The following ZCWPW2 variants were observed in gnomAD, a reference collection of about 807,000 sequenced individuals.
ZCWPW2 encodes zinc finger CW-type PWWP domain protein 2.
In ZCWPW2, 45 loss-of-function variants were observed where a neutral mutation model predicts 46.6. The observed-to-expected ratio is 0.96, with a 90% CI of 0.76 to 1.24. The LOEUF is 1.24. ZCWPW2 is among the 50% of genes most tolerant of loss of function. ZCWPW2 has a pLI of 0.00. For synonymous variants in ZCWPW2, 152 were observed against 137.1 expected (o/e 1.11, Z -0.76); for missense variants, 429 against 403.9 (o/e 1.06, Z -0.53).
intron 1 of ZCWPW2, among the ~76,000 whole-genome samples, chr3:28,389,360 A>G (rs922175546): frequency 2.0e-5 from 3 of 152,164 alleles, no homozygotes; most frequent in African/African-American, 7.2e-5. Flanking sequence ...TTTGTCCAAT[A>G]ACATGAGGAA....
intron 4 of ZCWPW2, among the ~76,000 whole-genome samples, chr3:28,471,167 A>G (rs1699027727): frequency 6.6e-6 from 1 of 152,190 alleles, no homozygotes; most frequent in Non-Finnish European, 1.5e-5. Context: ...GCTGAATTCT[A>G]TGAAACGTTT....
chr3:28,474,804 TTTGTTGTTGTTG>T lies in ZCWPW2; in HGVS notation c.493-3983_493-3972del, dbSNP rs139673277. ...GTCTCATGTCAGTATGTCTGAACTA[TTTGTTGTTGTTG>T]TTGTTGTTGTTGTTGTTGTTGTTGT... On this transcript the variant is annotated intron_variant, in intron 4 of 9. Coordinates refer to ENST00000383768, the MANE Select transcript of ZCWPW2 (RefSeq NM_001040432.4). Among the ~76,000 whole-genome samples the T allele has an allele frequency of 3.7e-3, 554 of 148,936 alleles. 2 individuals carry two copies. Among genetic ancestry groups the T allele is most frequent in the African/African-American group, 0.01 (421 of 40,220 alleles).
intron 4 of ZCWPW2, 142 bp from the exon 5 acceptor site, chr3:28,478,672 A>G: frequency 2.5e-6 from 1 of 403,264 alleles, no homozygotes; most frequent in Admixed American, 4.5e-5. Flanking sequence ...AAATAATATT[A>G]AAATAATAAT....
At chr3:28,472,316 C>T (rs530291804) in intron 4 of ZCWPW2, among the ~76,000 whole-genome samples, 1 of 152,270 alleles carries the variant, frequency 6.6e-6, no homozygotes, top group East Asian at 1.9e-4. Flanking sequence ...CATTACCTGA[C>T]TTCAAATTAT....
Position 28,524,517 on chromosome 3 carries a change from T to G in ZCWPW2, c.910-10T>G, listed in dbSNP as rs1700803397. 2.5e-6 allele frequency: 4 copies of G among 1,600,694 alleles called. No individual in the cohort carries two copies. Among genetic ancestry groups the G allele is most frequent in the Non-Finnish European group, 3.4e-6 (4 of 1,175,792 alleles). ...ACATAGTTCCGATTAATTATATGGTTGTTTTGCAGTTATCTAAATGCAGCC... is the reference window on the plus strand; with the variant it reads ...ACATAGTTCCGATTAATTATATGGTGGTTTTGCAGTTATCTAAATGCAGCC... On this transcript the variant is annotated splice_polypyrimidine_tract_variant and intron_variant, in intron 9 of 9. Transcript: ENST00000383768.
At chr3:28,405,218 G>C (rs1442929495) in intron 2 of ZCWPW2, among the ~76,000 whole-genome samples, 2 of 152,098 alleles carry the variant, frequency 1.3e-5, no homozygotes, top group Non-Finnish European at 2.9e-5. Flanking sequence ...GCTATGGTCT[G>C]AATGTCTGTG....
chr3:28,386,949 T>C (rs1575075525), intron 1 of ZCWPW2, among the ~76,000 whole-genome samples: 2 of 152,206 alleles, frequency 1.3e-5, no homozygotes, highest in East Asian at 1.9e-4. Context: ...GACTCCTGGA[T>C]AGGGTGAGCC....
At chr3:28,469,567 A>G (rs966927130) in intron 4 of ZCWPW2, among the ~76,000 whole-genome samples, 9 of 152,102 alleles carry the variant, frequency 5.9e-5, no homozygotes, top group African/African-American at 2.2e-4. Flanking sequence ...GCATGAGTAG[A>G]TATACTTAAT....
At chr3:28,378,254 A>T (rs1705564775) in intron 1 of ZCWPW2, among the ~76,000 whole-genome samples, 1 of 152,062 alleles carries the variant, frequency 6.6e-6, no homozygotes, top group Non-Finnish European at 1.5e-5. Flanking sequence ...CATAGAGAAG[A>T]TTAAAGATAA....
intron 4 of ZCWPW2, among the ~76,000 whole-genome samples, chr3:28,443,488 T>A (rs1697852426): frequency 6.6e-6 from 1 of 152,162 alleles, no homozygotes; most frequent in Non-Finnish European, 1.5e-5. Flanking sequence ...CTAGAAGTTT[T>A]CTGCTTGTAT....
chr3:28,467,623 C>G (rs890755126), intron 4 of ZCWPW2, among the ~76,000 whole-genome samples: 2 of 152,264 alleles, frequency 1.3e-5, no homozygotes, highest in South Asian at 2.1e-4. Flanking sequence ...ACCTCACCCC[C>G]AGCCCCAGGT....
chr3:28,367,277 C>T (rs1705155049), intron 1 of ZCWPW2, among the ~76,000 whole-genome samples: 1 of 152,180 alleles, frequency 6.6e-6, no homozygotes, highest in African/African-American at 2.4e-5. Flanking sequence ...CTCTTGTGGG[C>T]ATTCAGTGCT....
In ZCWPW2 at chr3:28,413,166, G is replaced by T; in HGVS notation, c.98G>T (p.Cys33Phe). The part of the protein sequence containing the change: ...NMYVNKVWVQ[C>F]ENENCLKWRL... Reference sequence around the variant, plus strand: ...TATGTAAACAAAGTGTGGGTTCAATGTGAGAATGAAAATTGTTTGAAATGG... The same window carrying T: ...TATGTAAACAAAGTGTGGGTTCAATTTGAGAATGAAAATTGTTTGAAATGG... The change falls in exon 3 of 10, where the codon TGT (cysteine) becomes TTT (phenylalanine). Residue 33 changes from cysteine to phenylalanine, a missense_variant. Transcript: ENST00000383768. 1 of 1,613,318 alleles carries T rather than the reference G, an allele frequency of 6.2e-7. No individual in the cohort carries two copies. The highest frequency in any genetic ancestry group is 8.5e-7 in the Non-Finnish European group (1 of 1,179,516).
chr3:28,475,202 G>A (rs1382633363), intron 4 of ZCWPW2, among the ~76,000 whole-genome samples: 2 of 151,998 alleles, frequency 1.3e-5, no homozygotes, highest in Non-Finnish European at 2.9e-5. Context: ...TCTCAGTAGA[G>A]AGCAAATTCC....
At chr3:28,489,928 C>T (rs761739699) in intron 5 of ZCWPW2, among the ~76,000 whole-genome samples, 6 of 151,890 alleles carry the variant, frequency 4.0e-5, no homozygotes, top group Admixed American at 6.6e-5. Flanking sequence ...AGAAAATATT[C>T]GCAAACTCTG....
At chr3:28,363,549 A>G (rs764404026) in intron 1 of ZCWPW2, among the ~76,000 whole-genome samples, 2 of 151,996 alleles carry the variant, frequency 1.3e-5, no homozygotes, top group African/African-American at 2.4e-5. Flanking sequence ...GTGTTTGCCC[A>G]TTTGTAGAGA....
At chr3:28,520,936 T>C (rs1700705779) in intron 8 of ZCWPW2, 56 bp from the exon 9 acceptor site, 1 of 1,594,114 alleles carries the variant, frequency 6.3e-7, no homozygotes. Context: ...AGATTATGAA[T>C]TAGATTGAAT....
chr3:28,516,454 A>G (rs1044926492), intron 8 of ZCWPW2, among the ~76,000 whole-genome samples: 14 of 152,274 alleles, frequency 9.2e-5, no homozygotes, highest in Admixed American at 9.2e-4. Context: ...GTCGTTGGTT[A>G]GAACACAGTA....
intron 4 of ZCWPW2, among the ~76,000 whole-genome samples, chr3:28,465,497 TTCAACATC>T (rs1388396881): frequency 6.6e-6 from 1 of 152,208 alleles, no homozygotes; most frequent in East Asian, 1.9e-4. Flanking sequence ...TGCGAATTAC[TTCAACATC>T]TCACGAAAAG....
Sources: gnomAD v4.1 joint callset for allele counts (sites outside exome capture counted in the v4.1 genomes callset) on GRCh38, gnomAD v4.1.1 for gene constraint, MANE v1.5 for transcripts, NCBI Gene and HGNC (gene_info 2026-07-23, HGNC 2026-07-21) for gene names.